Variants in GALNTL6 observed in about 807,000 individuals in gnomAD.
GALNTL6 encodes the protein polypeptide N-acetylgalactosaminyltransferase like 6.
GALNTL6 carries 46 observed loss-of-function variants against 73.7 expected under a neutral mutation model. The ratio of observed to expected loss-of-function variants is 0.62; its 90% confidence interval spans 0.49 to 0.80. The LOEUF (loss-of-function observed/expected upper bound fraction) is 0.80, where lower values mean the gene tolerates loss of function less well. GALNTL6 is among the 30% of genes least tolerant of loss of function. GALNTL6 has a pLI of 0.00. For missense variants in GALNTL6, 604 were observed against 755.0 expected (o/e 0.80, Z 2.34); for synonymous variants, 259 against 263.7 (o/e 0.98, Z 0.17).
At chr4:172,541,386 G>A (rs1056682211) in intron 5 of GALNTL6, among the ~76,000 whole-genome samples, 14 of 152,158 alleles carry the variant, frequency 9.2e-5, no homozygotes, top group Non-Finnish European at 1.5e-4. Context: ...TGAGAGTCAC[G>A]CAGCACCTAA....
chr4:172,696,537 A>C (rs527508263), intron 5 of GALNTL6, among the ~76,000 whole-genome samples: 1 of 151,972 alleles, frequency 6.6e-6, no homozygotes, highest in South Asian at 2.1e-4. Flanking sequence ...ATCTGGTGGG[A>C]GGTAATTGAA....
chr4:172,803,209 C>A (rs563005738), intron 5 of GALNTL6, among the ~76,000 whole-genome samples: 1 of 152,134 alleles, frequency 6.6e-6, no homozygotes, highest in African/African-American at 2.4e-5. Flanking sequence ...CCCTAGGCAG[C>A]GGACCAGTAC....
At chr4:172,589,671 A>C (rs1222022905) in intron 5 of GALNTL6, among the ~76,000 whole-genome samples, 3 of 152,232 alleles carry the variant, frequency 2.0e-5, no homozygotes, top group East Asian at 1.9e-4. Flanking sequence ...AACACATGCC[A>C]CTTTTGATTC....
At chr4:172,905,812 C>CAAAAAAAAAA (rs397996287) in intron 8 of GALNTL6, among the ~76,000 whole-genome samples, 5 of 69,676 alleles carry the variant, frequency 7.2e-5, no homozygotes, top group Admixed American at 1.6e-4. Context: ...AGAGATCACT[C>CAAAAAAAAAA]AAAAAAAAAA....
At chr4:172,290,384 C>G (rs142108352) in intron 3 of GALNTL6, among the ~76,000 whole-genome samples, 1 of 151,896 alleles carries the variant, frequency 6.6e-6, no homozygotes, top group African/African-American at 2.4e-5. Context: ...TGTAAAGAAC[C>G]CTTTGTACTT....
intron 2 of GALNTL6, among the ~76,000 whole-genome samples, chr4:172,198,415 G>GA (rs539962986): frequency 1.6e-4 from 22 of 140,332 alleles, no homozygotes; most frequent in South Asian, 4.6e-4. Flanking sequence ...AAATTTACAA[G>GA]AAAAAAAAAA....
chr4:172,584,756 G>T (rs1302462347), intron 5 of GALNTL6, among the ~76,000 whole-genome samples: 1 of 152,170 alleles, frequency 6.6e-6, no homozygotes, highest in Non-Finnish European at 1.5e-5. Flanking sequence ...TCTGTAGCTG[G>T]ATATATGTGG....
At chr4:172,160,519 T>C (rs1734423425) in intron 2 of GALNTL6, among the ~76,000 whole-genome samples, 1 of 151,966 alleles carries the variant, frequency 6.6e-6, no homozygotes, top group Admixed American at 6.6e-5. Context: ...TAATAGTTAT[T>C]GAAGGAAACT....
intron 10 of GALNTL6, among the ~76,000 whole-genome samples, chr4:172,968,170 C>T (rs1401322666): frequency 6.6e-6 from 1 of 152,148 alleles, no homozygotes; most frequent in Non-Finnish European, 1.5e-5. Flanking sequence ...AAACATCAGA[C>T]AGCAGCAGAT....
intron 2 of GALNTL6, among the ~76,000 whole-genome samples, chr4:171,966,651 C>A (rs1355810330): frequency 3.9e-5 from 6 of 152,184 alleles, no homozygotes; most frequent in African/African-American, 1.2e-4. Context: ...CTTTGAGAGC[C>A]TCTGCATTGG....
At chr4:172,673,302 C>T (rs757375725) in intron 5 of GALNTL6, among the ~76,000 whole-genome samples, 2 of 152,046 alleles carry the variant, frequency 1.3e-5, no homozygotes, top group Non-Finnish European at 2.9e-5. Context: ...TTCTTAGTCT[C>T]GATTTCTAAT....
chr4:172,187,577 T>C (rs1442657219), intron 2 of GALNTL6, among the ~76,000 whole-genome samples: 1 of 152,134 alleles, frequency 6.6e-6, no homozygotes. Flanking sequence ...TTTGCAGTGT[T>C]TGTCCCCCTT....
At chr4:171,910,687 A>G (rs1160961449) in intron 2 of GALNTL6, among the ~76,000 whole-genome samples, 2 of 152,164 alleles carry the variant, frequency 1.3e-5, no homozygotes, top group East Asian at 1.9e-4. Context: ...AACAAACATT[A>G]TCAGACTTAT....
At chr4:172,110,088 C>T (rs1732810026) in intron 2 of GALNTL6, among the ~76,000 whole-genome samples, 2 of 152,078 alleles carry the variant, frequency 1.3e-5, no homozygotes, top group Admixed American at 1.3e-4. Flanking sequence ...TATGAGTTAT[C>T]TTGGACTCTA....
At chr4:172,740,279 A>G (rs1736722643) in intron 5 of GALNTL6, among the ~76,000 whole-genome samples, 1 of 152,198 alleles carries the variant, frequency 6.6e-6, no homozygotes, top group African/African-American at 2.4e-5. Context: ...TTAATTACAC[A>G]TTAATCTGTG....
intron 8 of GALNTL6, among the ~76,000 whole-genome samples, chr4:172,920,353 A>C (rs1413544420): frequency 1.3e-5 from 2 of 152,238 alleles, no homozygotes; most frequent in African/African-American, 4.8e-5. Context: ...ATCTTCCCAA[A>C]GTTACCCTTT....
chr4:172,476,818 T>C (rs1196299851), intron 5 of GALNTL6, among the ~76,000 whole-genome samples: 1 of 152,160 alleles, frequency 6.6e-6, no homozygotes, highest in African/African-American at 2.4e-5. Flanking sequence ...CTTCCAACTG[T>C]AAAATGCCTG....
chr4:172,983,258 C>T (rs1751150504), intron 10 of GALNTL6, among the ~76,000 whole-genome samples: 1 of 152,194 alleles, frequency 6.6e-6, no homozygotes, highest in Admixed American at 6.5e-5. Context: ...CCTAGAGCTT[C>T]TGGAGGAAGC....
At chr4:172,286,261 A>C (rs1739244998) in intron 3 of GALNTL6, among the ~76,000 whole-genome samples, 1 of 152,042 alleles carries the variant, frequency 6.6e-6, no homozygotes, top group Non-Finnish European at 1.5e-5. Context: ...TCTTCTATTA[A>C]TTTTTTTTAA....
Sources: gnomAD v4.1 joint callset for allele counts (sites outside exome capture counted in the v4.1 genomes callset) on GRCh38, gnomAD v4.1.1 for gene constraint, MANE v1.5 for transcripts, NCBI Gene and HGNC (gene_info 2026-07-23, HGNC 2026-07-21) for gene names.